WDR89: variants seen among roughly 807,000 people sequenced by gnomAD.
The protein encoded by WDR89 is WD repeat-containing protein 89.
In WDR89, 17 loss-of-function variants were observed where a neutral mutation model predicts 29.1. The ratio of observed to expected loss-of-function variants is 0.58; its 90% CI spans 0.40 to 0.88. The LOEUF (loss-of-function observed/expected upper bound fraction) is 0.88, where lower values mean the gene tolerates loss of function less well. Ranked by LOEUF, WDR89 falls within the 40% of genes least tolerant of loss-of-function variation. WDR89 has a pLI of 0.00. For missense variants in WDR89, 396 were observed against 456.3 expected, an observed-to-expected ratio of 0.87 and a Z score of 1.20; for synonymous variants, 138 against 157.8, an observed-to-expected ratio of 0.87 and a Z score of 0.94.
At chr14:63,639,892 G>A (rs1883992118) in intron 1 of WDR89, among the ~76,000 whole-genome samples, 1 of 152,192 alleles carries the variant, frequency 6.6e-6, no homozygotes, top group Non-Finnish European at 1.5e-5. Flanking sequence ...TGAGGCAGGA[G>A]GATCACTTGA....
chr14:63,610,244 A>C (rs1483699952), intron 2 of WDR89, among the ~76,000 whole-genome samples: 1 of 143,096 alleles, frequency 7.0e-6, no homozygotes, highest in Non-Finnish European at 1.5e-5. Context: ...AAAAAAAAAA[A>C]CTCTTGGATT....
chr14:63,605,211 T>TACACATACACACACACACAC (rs1895264033), intron 2 of WDR89, among the ~76,000 whole-genome samples: 1 of 102,430 alleles, frequency 9.8e-6, no homozygotes, highest in African/African-American at 2.8e-5. Context: ...TACATACACA[T>TACACATACACACACACACAC]ACACACACAC....
At chr14:63,626,150 C>T (rs1883034248) in intron 1 of WDR89, among the ~76,000 whole-genome samples, 1 of 151,716 alleles carries the variant, frequency 6.6e-6, no homozygotes, top group African/African-American at 2.4e-5. Flanking sequence ...CCACACCCAC[C>T]CATGAAGGTA....
At chr14:63,611,998 G>A (rs1245783972) in intron 2 of WDR89, among the ~76,000 whole-genome samples, 1 of 152,038 alleles carries the variant, frequency 6.6e-6, no homozygotes, top group Non-Finnish European at 1.5e-5. Flanking sequence ...AAAGTGCTGG[G>A]ATTACAGACA....
chr14:63,598,751 C>A lies in WDR89; in HGVS notation c.*28G>T. The A allele has an allele frequency of 6.5e-7, 1 of 1,534,604 alleles. No homozygotes were observed. Among genetic ancestry groups the A allele is most frequent in the Admixed American group, 2.0e-5 (1 of 49,072 alleles). On this transcript the variant is annotated 3_prime_UTR_variant, in exon 3 of 3. Coordinates refer to ENST00000620954, the MANE Select transcript of WDR89 (RefSeq NM_080666.4). ...AGAAGGACTATTTGAAACTATAAAA[C>A]CTACCAAACAAAGTGCCAAATGCAT... is the stretch of plus-strand genomic sequence containing the variant.
rs1006352832 is a variant in WDR89, at chr14:63,599,660, T to C, written c.283A>G (p.Lys95Glu). Residue 95 changes from lysine to glutamate, a missense_variant, in exon 3 of 3, where the codon AAA (lysine) becomes GAA (glutamate). Lys to Glu is a moderately conservative substitution (Grantham distance 56). Coordinates refer to ENST00000620954, the MANE Select transcript of WDR89 (RefSeq NM_080666.4). ...VYSACTDGTV[K>E]CWDARVAREK... ...CTGGCTACTCGAGCATCCCAGCATTTCACAGTGCCATCAGTACATGCTGAA... is the reference window on the plus strand; with the variant it reads ...CTGGCTACTCGAGCATCCCAGCATTCCACAGTGCCATCAGTACATGCTGAA... 1 of 1,614,202 alleles carries C rather than the reference T, an allele frequency of 6.2e-7. No homozygotes were observed. The highest frequency in any genetic ancestry group is 1.7e-5 in the Admixed American group (1 of 60,016).
chr14:63,632,484 T>G (rs1337519790), intron 1 of WDR89, among the ~76,000 whole-genome samples: 5 of 151,858 alleles, frequency 3.3e-5, no homozygotes, highest in Non-Finnish European at 7.4e-5. Context: ...AATACAAAAA[T>G]TAGCCAGGCA....
intron 1 of WDR89, among the ~76,000 whole-genome samples, chr14:63,636,253 C>T (rs915734016): frequency 6.6e-6 from 1 of 152,106 alleles, no homozygotes; most frequent in African/African-American, 2.4e-5. Context: ...CAAAACACTG[C>T]TGAAAGAAAT....
rs1009489100 is a variant in WDR89, at chr14:63,607,647, C to T, written c.-31-7674G>A. On this transcript the variant is annotated intron_variant, in intron 2 of 2. Transcript: ENST00000620954. ...CTGTAATCCCAGCACTTTGGGAGGC[C>T]GAGGCAGGCAGATCACCTGAGGTCA... Among the ~76,000 whole-genome samples, 55 of 151,672 alleles carry T rather than the reference C, an allele frequency of 3.6e-4. 1 individual carries two copies. Among genetic ancestry groups the T allele is most frequent in the African/African-American group, 9.9e-4 (41 of 41,392 alleles).
At chr14:63,606,795 G>A (rs1214370953) in intron 2 of WDR89, among the ~76,000 whole-genome samples, 4 of 152,196 alleles carry the variant, frequency 2.6e-5, no homozygotes, top group African/African-American at 7.2e-5. Context: ...CTATGAGGCA[G>A]ATATTATTAT....
chr14:63,600,921 A>G (rs1895037388), intron 2 of WDR89, among the ~76,000 whole-genome samples: 1 of 152,084 alleles, frequency 6.6e-6, no homozygotes, highest in Non-Finnish European at 1.5e-5. Context: ...CCGTGGCCCA[A>G]TATGGTAACA....
Position 63,613,854 on chromosome 14 carries a change from C to T in WDR89, c.-32+11074G>A, listed in dbSNP as rs114728917. Among the ~76,000 whole-genome samples the T allele has an allele frequency of 1.5e-3, 212 of 142,070 alleles. 1 individual carries two copies. Among genetic ancestry groups the T allele is most frequent in the African/African-American group, 5.4e-3 (203 of 37,798 alleles). 93.2% of individuals were successfully genotyped at this position (142,070 alleles called of 152,430 possible). On this transcript the variant is annotated intron_variant, in intron 2 of 2. Transcript: ENST00000620954. ...TTTTTTTTTTTTTTTAATACAAACA[C>T]GGTCTCACATACTTGAACTCCTGTA...
At chr14:63,623,197 C>CAAAAAA (rs35075730) in intron 2 of WDR89, among the ~76,000 whole-genome samples, 1 of 71,738 alleles carries the variant, frequency 1.4e-5, no homozygotes, top group African/African-American at 4.2e-5. Context: ...AACCAGGTCT[C>CAAAAAA]AAAAAAAAAA....
In WDR89 at chr14:63,635,043, T is replaced by C. The variant is rs186700431; in HGVS notation, c.-138+6761A>G. On this transcript the variant is annotated intron_variant, in intron 1 of 2. Coordinates refer to ENST00000620954, the MANE Select transcript of WDR89 (RefSeq NM_080666.4). The stretch of plus-strand genomic sequence containing the variant: ...AAAAAAAAATGGATTCACAGCAGAA[T>C]TCTACCAGACATTCAAAGAATTGGT... Among the ~76,000 whole-genome samples, 3 of 150,474 alleles carry C rather than the reference T, an allele frequency of 2.0e-5. No individual in the cohort carries two copies. The East Asian group carries it at 5.8e-4, about 29-fold the overall frequency.
rs780897713 is a variant in WDR89 at position 63,598,800 on chromosome 14, A to G, written c.1143T>C (p.Tyr381=). ...ATTATCACTGCTTTTTCCTTCTTTT[A>G]TAAGAATCATTACTATGAACTCGTA... ...QRVRVHSNDS[Y]KRRKKQ The change falls in exon 3 of 3, where the codon TAT becomes TAC. Residue 381 remains tyrosine, a synonymous_variant. Coordinates refer to ENST00000620954, the MANE Select transcript of WDR89 (RefSeq NM_080666.4). 1.3e-6 allele frequency: 2 copies of G among 1,584,904 alleles called. No homozygotes were observed. Among genetic ancestry groups the G allele is most frequent in the Non-Finnish European group, 1.7e-6 (2 of 1,166,754 alleles).
At chr14:63,604,640 A>G (rs369834921) in intron 2 of WDR89, among the ~76,000 whole-genome samples, 7 of 152,216 alleles carry the variant, frequency 4.6e-5, no homozygotes, top group Admixed American at 3.3e-4. Context: ...ATTTATATGT[A>G]TCTTTCTTGC....
intron 1 of WDR89, among the ~76,000 whole-genome samples, chr14:63,636,362 T>C (rs928677595): frequency 2.0e-5 from 3 of 152,152 alleles, no homozygotes; most frequent in African/African-American, 7.2e-5. Flanking sequence ...GCAAATTCAA[T>C]GCAATCCCCA....
Position 63,599,184 on chromosome 14 carries a change from T to C in WDR89, c.759A>G (p.Glu253=). 3 of 1,610,308 alleles carry C rather than the reference T, an allele frequency of 1.9e-6. No homozygotes were observed. Among genetic ancestry groups the C allele is most frequent in the Non-Finnish European group, 2.5e-6 (3 of 1,177,476 alleles). ...WWDLNHLDTD[E]PVTRLNIQDV... is the part of the protein sequence containing the mutation. ...CCTGGATGTTCAAACGTGTAACTGG[T>C]TCATCAGTGTCCAGATGATTAAGAT... Residue 253 remains glutamate (E), a synonymous_variant, in exon 3 of 3, where the codon GAA becomes GAG. Coordinates refer to ENST00000620954, the MANE Select transcript of WDR89 (RefSeq NM_080666.4).
At chr14:63,615,277 A>G (rs1049622858) in intron 2 of WDR89, among the ~76,000 whole-genome samples, 1 of 152,242 alleles carries the variant, frequency 6.6e-6, no homozygotes, top group Non-Finnish European at 1.5e-5. Context: ...TTTCCTTTCC[A>G]GAACAACCAG....
Sources: gnomAD v4.1 joint callset for allele counts (sites outside exome capture counted in the v4.1 genomes callset) on GRCh38, gnomAD v4.1.1 for gene constraint, MANE v1.5 for transcripts, NCBI Gene and HGNC (gene_info 2026-07-23, HGNC 2026-07-21) for gene names.